AK9: variants seen among roughly 807,000 people sequenced by gnomAD.
AK9 encodes the protein adenylate kinase domain containing 1.
Under a neutral mutation model 239.6 loss-of-function variants are expected in AK9, and 191 were observed. The ratio of observed to expected loss-of-function variants is 0.80; its 90% confidence interval spans 0.71 to 0.90. The LOEUF (loss-of-function observed/expected upper bound fraction) is 0.90. Among genes scored for constraint, AK9 ranks in the 40% least tolerant of loss-of-function variants. The pLI, the probability that AK9 is intolerant of heterozygous loss-of-function variation, is 0.00. For missense variants in AK9, 1,995 were observed against 2,214.7 expected (o/e 0.90, Z 1.99); for synonymous variants, 689 against 721.0 (o/e 0.96, Z 0.71).
intron 8 of AK9, among the ~76,000 whole-genome samples, chr6:109,645,339 C>T (rs775107954): frequency 1.2e-4 from 19 of 152,168 alleles, no homozygotes; most frequent in Non-Finnish European, 2.6e-4. Context: ...CCTGGAAAAT[C>T]GGGACACTCC....
chr6:109,509,436 T>C, intron 32 of AK9, 56 bp from the exon 33 acceptor site: 1 of 1,442,990 alleles, frequency 6.9e-7, no homozygotes, highest in Non-Finnish European at 9.4e-7. Context: ...AGGGGGGACA[T>C]GTGCAGTTTT....
chr6:109,499,787 A>G (rs1173433098), intron 35 of AK9, among the ~76,000 whole-genome samples: 2 of 152,088 alleles, frequency 1.3e-5, no homozygotes, highest in Admixed American at 6.6e-5. Flanking sequence ...TTTAGTAGAG[A>G]CAGGGTTTTG....
intron 10 of AK9, among the ~76,000 whole-genome samples, chr6:109,634,960 T>G (rs1009002982): frequency 1.4e-4 from 21 of 152,204 alleles, no homozygotes; most frequent in African/African-American, 5.1e-4. Flanking sequence ...GTTCAGCAGG[T>G]GCCGAAGGGA....
intron 28 of AK9, among the ~76,000 whole-genome samples, chr6:109,531,482 G>A (rs1235726213): frequency 1.3e-5 from 2 of 152,006 alleles, no homozygotes; most frequent in Admixed American, 1.3e-4. Flanking sequence ...CCCTACAGCT[G>A]TTCTGTCCAG....
intron 21 of AK9, among the ~76,000 whole-genome samples, chr6:109,567,276 C>T (rs1235014905): frequency 6.6e-6 from 1 of 152,104 alleles, no homozygotes; most frequent in Non-Finnish European, 1.5e-5. Flanking sequence ...GAAATACAAA[C>T]TGCCATCAGA....
chr6:109,690,956 C>T (rs1394793693), intron 1 of AK9, among the ~76,000 whole-genome samples, 191 bp downstream of exon 1: 1 of 152,136 alleles, frequency 6.6e-6, no homozygotes, highest in East Asian at 1.9e-4. Context: ...CGTCAGAGGG[C>T]CGGCTTCCAG....
chr6:109,610,357 T>A lies in AK9; in HGVS notation c.1842+8A>T, dbSNP rs911765061. ...CACTGATAAGAATTGCCCAGCTAGA[T>A]TTTTTACCTCTCCAAGGACTTCCTG... On this transcript the variant is annotated splice_region_variant and intron_variant, in intron 17 of 40. Transcript: ENST00000424296. 29 of 1,550,930 alleles carry A rather than the reference T, an allele frequency of 1.9e-5. No homozygotes were observed. In the African/African-American group the frequency reaches 3.4e-4, roughly 18 times the overall value.
At chr6:109,546,868 C>T (rs192643956) in intron 25 of AK9, among the ~76,000 whole-genome samples, 19 of 152,250 alleles carry the variant, frequency 1.2e-4, no homozygotes, top group Non-Finnish European at 1.2e-4. Flanking sequence ...TTAAACGTCT[C>T]GCAACTAGGG....
chr6:109,561,771 A>C (rs535034932), intron 24 of AK9, among the ~76,000 whole-genome samples: 3 of 152,300 alleles, frequency 2.0e-5, no homozygotes, highest in South Asian at 4.1e-4. Context: ...CAATTTGAAT[A>C]ATATGATGTA....
At chr6:109,653,352 T>C (rs1799241193) in intron 8 of AK9, among the ~76,000 whole-genome samples, 1 of 152,208 alleles carries the variant, frequency 6.6e-6, no homozygotes, top group Non-Finnish European at 1.5e-5. Flanking sequence ...CTGGCTATCT[T>C]AGCTTTTAAA....
intron 8 of AK9, among the ~76,000 whole-genome samples, chr6:109,646,334 G>C (rs1442160942): frequency 2.0e-5 from 3 of 152,058 alleles, no homozygotes; most frequent in South Asian, 2.1e-4. Context: ...TGCAAGGAAG[G>C]TAAAAACCTT....
chr6:109,621,893 T>TAAAAAAAAAAAAAAAAAAAAAAA (rs59405869), intron 12 of AK9, among the ~76,000 whole-genome samples: 6 of 55,490 alleles, frequency 1.1e-4, no homozygotes, highest in Admixed American at 2.2e-4. Flanking sequence ...AAAGTATAAT[T>TAAAAAAAAAAAAAAAAAAAAAAA]AAAAAAAAAA....
intron 5 of AK9, among the ~76,000 whole-genome samples, chr6:109,670,569 G>A (rs746372017): frequency 6.6e-6 from 1 of 152,090 alleles, no homozygotes; most frequent in Non-Finnish European, 1.5e-5. Context: ...AACACCATGA[G>A]AGGCACAACT....
chr6:109,529,140 T>C lies in AK9; in HGVS notation c.3571-67A>G, dbSNP rs750529877. ...ATAAAAGTGGCTTTCTCTGTATTCA[T>C]ATATTTTTATATAAAGTAGGAATAA... On this transcript the variant is annotated intron_variant, in intron 28 of 40. Transcript: ENST00000424296. The C allele has an allele frequency of 1.8e-4, 257 of 1,455,166 alleles. 1 individual carries two copies. The highest frequency in any genetic ancestry group is 2.2e-4 in the Non-Finnish European group (236 of 1,095,724). 90.1% of individuals were successfully genotyped at this position (1,455,166 alleles called of 1,614,324 possible).
chr6:109,521,189 G>A (rs1223942433), intron 29 of AK9, among the ~76,000 whole-genome samples: 3 of 151,974 alleles, frequency 2.0e-5, no homozygotes, highest in African/African-American at 7.2e-5. Flanking sequence ...TTAAAAATGT[G>A]TGTTTTTTCT....
intron 12 of AK9, among the ~76,000 whole-genome samples, chr6:109,627,935 C>T (rs1474786594): frequency 6.6e-6 from 1 of 152,232 alleles, no homozygotes. Context: ...CAGGCCACTG[C>T]AACCGGCCTG....
rs775068019 is a variant in AK9 at position 109,493,366 on chromosome 6, AAAC to A, written c.5736_*2del. ...AGATTCAGGCTGCTATCACCTAAGTAAACTACCCATTAATTGGGTCTATATTTC... is the reference window on the plus strand; with the variant it reads ...AGATTCAGGCTGCTATCACCTAAGTATACCCATTAATTGGGTCTATATTTC... On this transcript the variant is annotated stop_lost and 3_prime_UTR_variant, in exon 41 of 41. Coordinates refer to ENST00000424296, the MANE Select transcript of AK9 (RefSeq NM_001145128.3). 5.2e-5 allele frequency: 84 copies of A among 1,610,318 alleles called. 1 individual carries two copies. The South Asian group carries it at 8.7e-4, about 17-fold the overall frequency.
At chr6:109,603,725 T>C (rs978917291) in intron 17 of AK9, among the ~76,000 whole-genome samples, 1 of 152,164 alleles carries the variant, frequency 6.6e-6, no homozygotes, top group Admixed American at 6.6e-5. Flanking sequence ...TCCACCCAGT[T>C]CGAGCTTCCT....
intron 17 of AK9, among the ~76,000 whole-genome samples, chr6:109,588,639 A>G (rs13199135): frequency 0.35 from 52,537 of 152,030 alleles, 9,550 homozygotes; most frequent in South Asian, 0.44. Flanking sequence ...CCTTTTGACA[A>G]CTTAGTTATA....
Sources: allele counts gnomAD v4.1 joint callset (sites outside exome capture counted in the v4.1 genomes callset), GRCh38; gene constraint gnomAD v4.1.1; transcripts MANE v1.5; gene names NCBI Gene and HGNC (gene_info 2026-07-23, HGNC 2026-07-21).